Variants in APBB2 observed in about 807,000 individuals in gnomAD.
The protein encoded by APBB2 is Fe65-like 1.
In APBB2, 38 loss-of-function variants were observed where a neutral mutation model predicts 82.5. The observed-to-expected ratio is 0.46, with a 90% CI of 0.36 to 0.60. The LOEUF is 0.60. Among genes scored for constraint, APBB2 ranks in the 20% least tolerant of loss-of-function variants. The probability of loss-of-function intolerance (pLI) is 0.00; values close to 1 mark genes in which losing one functional copy is unlikely to be tolerated. For missense variants in APBB2, 772 were observed against 972.3 expected, an observed-to-expected ratio of 0.79 and a Z score of 2.74; for synonymous variants, 341 against 368.2, an observed-to-expected ratio of 0.93 and a Z score of 0.85.
intron 12 of APBB2, 55 bp from the exon 13 acceptor site, chr4:40,830,632 T>C (rs1414711995): frequency 2.9e-6 from 3 of 1,046,192 alleles, no homozygotes; most frequent in African/African-American, 3.1e-5. Flanking sequence ...TACCAACACA[T>C]ACTTTAGTTA....
At chr4:40,827,656 G>C (rs1750409343) in intron 13 of APBB2, among the ~76,000 whole-genome samples, 1 of 152,156 alleles carries the variant, frequency 6.6e-6, no homozygotes, top group Non-Finnish European at 1.5e-5. Context: ...CTTACTAGCT[G>C]TGTGACCTTG....
chr4:40,901,435 C>T (rs73242096), intron 10 of APBB2, among the ~76,000 whole-genome samples: 35,274 of 150,660 alleles, frequency 0.23, 5,101 homozygotes, highest in East Asian at 0.54. Context: ...AGATGCAGAG[C>T]CTGGTGGGGG....
chr4:41,030,433 C>T (rs1716299643), intron 5 of APBB2, among the ~76,000 whole-genome samples: 1 of 152,114 alleles, frequency 6.6e-6, no homozygotes, highest in Admixed American at 6.5e-5. Context: ...CACTATGTTG[C>T]CCAGGCTGGA....
intron 10 of APBB2, among the ~76,000 whole-genome samples, chr4:40,921,677 A>T (rs1781294135): frequency 6.6e-6 from 1 of 152,220 alleles, no homozygotes; most frequent in Non-Finnish European, 1.5e-5. Flanking sequence ...AGGAGAAAAA[A>T]ACTAAGTACT....
Position 40,945,088 on chromosome 4 carries a change from G to C in APBB2, c.836-15C>G. 7 of 1,110,162 alleles carry C rather than the reference G, an allele frequency of 6.3e-6. No individual in the cohort carries two copies. The highest frequency in any genetic ancestry group is 9.1e-6 in the Non-Finnish European group (7 of 772,574). 68.8% of individuals were successfully genotyped at this position (1,110,162 alleles called of 1,614,324 possible). On this transcript the variant is annotated splice_polypyrimidine_tract_variant and intron_variant, in intron 6 of 17. Transcript: ENST00000508593. ...CCATATATCTGCTGAAAAATTGGGG[G>C]GCGGGGCGGGGGGAGAAAGAGAGAA...
At chr4:41,092,582 G>A (rs1299122232) in intron 3 of APBB2, among the ~76,000 whole-genome samples, 8 of 151,962 alleles carry the variant, frequency 5.3e-5, no homozygotes, top group African/African-American at 1.5e-4. Context: ...GCAGCTACTC[G>A]GGAGGCTGAG....
intron 13 of APBB2, among the ~76,000 whole-genome samples, chr4:40,829,295 A>C (rs1751033014): frequency 6.6e-6 from 1 of 152,176 alleles, no homozygotes; most frequent in Non-Finnish European, 1.5e-5. Context: ...TGGGGGATCC[A>C]ACCAGAGAGT....
intron 12 of APBB2, among the ~76,000 whole-genome samples, chr4:40,858,410 G>A (rs1230449484): frequency 7.4e-6 from 1 of 135,428 alleles, no homozygotes; most frequent in Admixed American, 8.3e-5. Flanking sequence ...AGCCAAGATC[G>A]CGCCACTGCA....
intron 10 of APBB2, among the ~76,000 whole-genome samples, chr4:40,908,867 C>T (rs1037510172): frequency 1.3e-5 from 2 of 152,182 alleles, no homozygotes; most frequent in African/African-American, 4.8e-5. Context: ...CACTAGGGGG[C>T]ACCATCACCC....
chr4:40,947,728 C>G (rs1032539488), intron 6 of APBB2, among the ~76,000 whole-genome samples: 1 of 152,098 alleles, frequency 6.6e-6, no homozygotes, highest in Non-Finnish European at 1.5e-5. Context: ...TTATAGAATC[C>G]CTTCATATTA....
chr4:41,191,258 C>T (rs1016221234), intron 1 of APBB2, among the ~76,000 whole-genome samples: 1 of 152,190 alleles, frequency 6.6e-6, no homozygotes, highest in Non-Finnish European at 1.5e-5. Context: ...AGCCTTCTCT[C>T]CCCCTTATTA....
chr4:40,914,969 C>G (rs116070526), intron 10 of APBB2, among the ~76,000 whole-genome samples: 2,104 of 152,260 alleles, frequency 0.014, 50 homozygotes, highest in African/African-American at 0.048. Flanking sequence ...CTGATTTACT[C>G]AGACCTCATT....
intron 1 of APBB2, among the ~76,000 whole-genome samples, chr4:41,209,922 C>T (rs547625086): frequency 1.3e-5 from 2 of 152,294 alleles, no homozygotes; most frequent in South Asian, 2.1e-4. Context: ...CTCCAGACAG[C>T]GTTCATGGAA....
intron 10 of APBB2, among the ~76,000 whole-genome samples, chr4:40,906,924 A>G (rs1776918248): frequency 6.6e-6 from 1 of 152,316 alleles, no homozygotes; most frequent in East Asian, 1.9e-4. Flanking sequence ...ATACATGTAC[A>G]TATGCATGTA....
At chr4:40,914,186 C>T (rs574210811) in intron 10 of APBB2, among the ~76,000 whole-genome samples, 5 of 151,974 alleles carry the variant, frequency 3.3e-5, no homozygotes, top group Admixed American at 1.3e-4. Context: ...CTGGCTAACA[C>T]GGTGAAACCC....
chr4:40,872,469 C>T (rs1765782039), intron 12 of APBB2, among the ~76,000 whole-genome samples: 1 of 152,130 alleles, frequency 6.6e-6, no homozygotes, highest in African/African-American at 2.4e-5. Context: ...GACTCATGAG[C>T]CCATGTCATT....
intron 12 of APBB2, among the ~76,000 whole-genome samples, chr4:40,836,786 G>A (rs1754105820): frequency 6.6e-6 from 1 of 152,162 alleles, no homozygotes; most frequent in South Asian, 2.1e-4. Flanking sequence ...GGAGTTTGGG[G>A]CCCAGCCTGA....
chr4:41,192,120 C>A (rs1251707640), intron 1 of APBB2, among the ~76,000 whole-genome samples: 3 of 152,006 alleles, frequency 2.0e-5, no homozygotes, highest in Non-Finnish European at 4.4e-5. Context: ...ATGCTGTTGT[C>A]AAAAAAGTCA....
In APBB2 at chr4:40,815,727, C is replaced by T. The variant is rs1745414629; in HGVS notation, c.*365G>A. 4.9e-6 allele frequency: 1 copy of T among 205,458 alleles called. No homozygotes were observed. Among genetic ancestry groups the T allele is most frequent in the Admixed American group, 5.2e-5 (1 of 19,320 alleles). 12.7% of individuals were successfully genotyped at this position (205,458 alleles called of 1,614,324 possible). A position where few individuals can be genotyped will look rare whatever the true frequency, so the allele number is the denominator to read the frequency against. ...CTTGTGACAGGTCCAGCCAAGAAGA[C>T]AGTGAAACTAACTCACGCATCATTC... On this transcript the variant is annotated 3_prime_UTR_variant, in exon 18 of 18. Coordinates refer to ENST00000508593, the MANE Select transcript of APBB2 (RefSeq NM_004307.2).
Sources: allele counts gnomAD v4.1 joint callset (sites outside exome capture counted in the v4.1 genomes callset), GRCh38; gene constraint gnomAD v4.1.1; transcripts MANE v1.5; gene names NCBI Gene and HGNC (gene_info 2026-07-23, HGNC 2026-07-21).